NRG2: variants seen among roughly 807,000 people sequenced by gnomAD.
NRG2 encodes pro-neuregulin-2, membrane-bound isoform.
In NRG2, 27 loss-of-function variants were observed where a neutral mutation model predicts 73.9. The ratio of observed to expected loss-of-function variants is 0.37; its 90% CI spans 0.27 to 0.50. NRG2 has a LOEUF of 0.50. Among genes scored for constraint, NRG2 ranks in the 20% least tolerant of loss-of-function variants. The pLI is 0.96. For synonymous variants in NRG2, 532 were observed against 541.0 expected (o/e 0.98, Z 0.23); for missense variants, 1,126 against 1,210.1 (o/e 0.93, Z 1.03).
chr5:139,905,140 C>A (rs1027935565), intron 1 of NRG2, among the ~76,000 whole-genome samples: 2 of 152,094 alleles, frequency 1.3e-5, no homozygotes, highest in Non-Finnish European at 2.9e-5. Flanking sequence ...GGCTGCAACT[C>A]CGACAGCCCA....
chr5:140,014,772 T>C (rs1362889085), intron 1 of NRG2, among the ~76,000 whole-genome samples: 1 of 152,212 alleles, frequency 6.6e-6, no homozygotes, highest in Admixed American at 6.5e-5. Flanking sequence ...ATAGCACACT[T>C]TGTGATCCCT....
chr5:140,043,159 A>G lies in NRG2; in HGVS notation c.-90T>C, dbSNP rs1036285416. ...CCGCTGGAAAACCGGAAACAGCGTAACGTTAGCGCCTCTTAGCCCTCCACC... is the reference window on the plus strand; with the variant it reads ...CCGCTGGAAAACCGGAAACAGCGTAGCGTTAGCGCCTCTTAGCCCTCCACC... On this transcript the variant is annotated 5_prime_UTR_variant, in exon 1 of 10. Coordinates refer to ENST00000361474, the MANE Select transcript of NRG2 (RefSeq NM_004883.3). This position sits in a 1 kb window ranked among gnomAD's most constrained non-coding sequence, Gnocchi z 6.7. 3 of 1,447,224 alleles carry G rather than the reference A, an allele frequency of 2.1e-6. No homozygotes were observed. Among genetic ancestry groups the G allele is most frequent in the Non-Finnish European group, 2.8e-6 (3 of 1,081,066 alleles). The allele number at this position is 1,447,224 out of a possible 1,614,324, so 89.6% of individuals were successfully genotyped here. A position where few individuals can be genotyped will look rare whatever the true frequency, so the allele number is the denominator to read the frequency against.
chr5:139,939,224 C>CTTCT (rs1753177496), intron 1 of NRG2, among the ~76,000 whole-genome samples: 1 of 144,596 alleles, frequency 6.9e-6, no homozygotes, highest in African/African-American at 2.6e-5. Context: ...TCCTTCCTTC[C>CTTCT]TTCCTTCCTT....
chr5:139,882,786 A>G (rs1368239098), intron 2 of NRG2, among the ~76,000 whole-genome samples: 2 of 152,056 alleles, frequency 1.3e-5, no homozygotes, highest in African/African-American at 2.4e-5. Context: ...CGCTTCCCTT[A>G]TACAGCATCA....
rs932079097 is a variant in NRG2 at position 139,904,155 on chromosome 5, C to A, written c.701-16644G>T. Among the ~76,000 whole-genome samples the A allele has an allele frequency of 6.6e-6, 1 of 152,154 alleles. No individual in the cohort carries two copies. Among genetic ancestry groups the A allele is most frequent in the African/African-American group, 2.4e-5 (1 of 41,450 alleles). ...CCTTGCTCTCCCGGCCGCGACGACC[C>A]GCTCGCACGCAGGCACGCGCGCCCT... On this transcript the variant is annotated intron_variant, in intron 1 of 9. Transcript: ENST00000361474. The surrounding 1 kb of genome is among the most constrained non-coding windows in gnomAD (Gnocchi z 6.0).
intron 1 of NRG2, among the ~76,000 whole-genome samples, chr5:139,971,855 C>G (rs1027013514): frequency 1.3e-5 from 2 of 152,038 alleles, no homozygotes; most frequent in Non-Finnish European, 2.9e-5. Context: ...TAACAGCATT[C>G]CAAACTAAAA....
chr5:139,981,492 G>A (rs1756799021), intron 1 of NRG2, among the ~76,000 whole-genome samples: 1 of 152,350 alleles, frequency 6.6e-6, no homozygotes, highest in Non-Finnish European at 1.5e-5. Context: ...GGCATTCCCT[G>A]TGGCCGTTTC....
At chr5:140,040,709 G>A (rs1761846757) in intron 1 of NRG2, among the ~76,000 whole-genome samples, 1 of 152,056 alleles carries the variant, frequency 6.6e-6, no homozygotes, top group African/African-American at 2.4e-5. Flanking sequence ...ATTTTCCACT[G>A]TACAATACTG....
intron 4 of NRG2, among the ~76,000 whole-genome samples, chr5:139,871,441 C>A (rs1017048282): frequency 9.2e-5 from 14 of 152,116 alleles, no homozygotes; most frequent in Non-Finnish European, 1.8e-4. Flanking sequence ...AGACTAGCAT[C>A]CCCATCTCCC....
intron 1 of NRG2, among the ~76,000 whole-genome samples, chr5:139,972,188 T>C (rs1034267628): frequency 1.3e-5 from 2 of 152,136 alleles, no homozygotes; most frequent in Non-Finnish European, 2.9e-5. Flanking sequence ...GAATGGACTG[T>C]CCAACAATGA....
At chr5:140,019,125 C>T (rs1760019214) in intron 1 of NRG2, among the ~76,000 whole-genome samples, 1 of 152,170 alleles carries the variant, frequency 6.6e-6, no homozygotes, top group African/African-American at 2.4e-5. Flanking sequence ...GGGAGAGGTG[C>T]TGCCAGTGCT....
At chr5:139,934,164 A>T (rs763245891) in intron 1 of NRG2, among the ~76,000 whole-genome samples, 1 of 152,190 alleles carries the variant, frequency 6.6e-6, no homozygotes, top group East Asian at 1.9e-4. Flanking sequence ...GTGCCACTGC[A>T]CTCCAGGCTG....
chr5:139,974,058 TG>T (rs1172040137), intron 1 of NRG2, among the ~76,000 whole-genome samples: 1 of 152,160 alleles, frequency 6.6e-6, no homozygotes, highest in African/African-American at 2.4e-5. Context: ...AATTTAAAAA[TG>T]TTTTTTAAAA....
intron 1 of NRG2, among the ~76,000 whole-genome samples, chr5:139,978,619 C>T (rs570320976): frequency 1.3e-5 from 2 of 152,342 alleles, no homozygotes; most frequent in East Asian, 3.9e-4. Flanking sequence ...GATTATAAAA[C>T]ATGCTGCTAT....
chr5:139,888,522 C>T (rs1004648039), intron 1 of NRG2, among the ~76,000 whole-genome samples: 6 of 152,168 alleles, frequency 3.9e-5, no homozygotes, highest in Non-Finnish European at 8.8e-5. Context: ...AGGGAGTTGT[C>T]TGGGAACTGA....
At chr5:139,875,215 G>A (rs966326862) in intron 3 of NRG2, among the ~76,000 whole-genome samples, 7 of 152,114 alleles carry the variant, frequency 4.6e-5, no homozygotes, top group African/African-American at 1.7e-4. Context: ...GTTTCACCAT[G>A]TTGGCCAGGA....
chr5:140,011,134 C>A (rs74780882), intron 1 of NRG2, among the ~76,000 whole-genome samples: 1 of 152,206 alleles, frequency 6.6e-6, no homozygotes, highest in Non-Finnish European at 1.5e-5. Flanking sequence ...CTCAGCATAG[C>A]CTACAAGACT....
intron 1 of NRG2, among the ~76,000 whole-genome samples, chr5:140,036,234 C>T (rs1280329715): frequency 2.0e-5 from 3 of 152,190 alleles, no homozygotes. Context: ...AGGAAGGCTC[C>T]TTAATTTAAC....
intron 1 of NRG2, among the ~76,000 whole-genome samples, chr5:140,016,550 A>G (rs558702216): frequency 6.6e-6 from 1 of 152,362 alleles, no homozygotes; most frequent in Admixed American, 6.5e-5. Context: ...ACAGCACTGA[A>G]TATGACAGAA....
Sources: allele counts gnomAD v4.1 joint callset (sites outside exome capture counted in the v4.1 genomes callset), GRCh38; gene constraint gnomAD v4.1.1; non-coding constraint Gnocchi (gnomAD v3.1); transcripts MANE v1.5; gene names NCBI Gene and HGNC (gene_info 2026-07-23, HGNC 2026-07-21).